The following SDK1 variants were observed in gnomAD, a reference collection of about 807,000 sequenced individuals.
SDK1 encodes the protein protein sidekick-1.
In SDK1, 157 loss-of-function variants were observed where a neutral mutation model predicts 245.5. The ratio of observed to expected loss-of-function variants is 0.64; its 90% confidence interval spans 0.56 to 0.73. The LOEUF is 0.73. SDK1 is among the 30% of genes least tolerant of loss of function. The pLI, the probability that SDK1 is intolerant of heterozygous loss-of-function variation, is 0.00. For synonymous variants in SDK1, 1,647 were observed against 1,278.5 expected (o/e 1.29, Z -6.15); for missense variants, 3,583 against 3,002.3 (o/e 1.19, Z -4.52).
chr7:3,481,892 C>G (rs1386625739), intron 1 of SDK1, among the ~76,000 whole-genome samples: 2 of 152,162 alleles, frequency 1.3e-5, no homozygotes, highest in Non-Finnish European at 2.9e-5. Flanking sequence ...TGCCAGGACT[C>G]TGACTGATAC....
At chr7:3,505,013 A>G (rs1583966134) in intron 1 of SDK1, among the ~76,000 whole-genome samples, 1 of 152,346 alleles carries the variant, frequency 6.6e-6, no homozygotes, top group East Asian at 1.9e-4. Flanking sequence ...CCCAGTGGTG[A>G]TACAACTCCT....
At chr7:3,395,163 G>A (rs899314716) in intron 1 of SDK1, among the ~76,000 whole-genome samples, 1 of 151,832 alleles carries the variant, frequency 6.6e-6, no homozygotes, top group African/African-American at 2.4e-5. Context: ...CTATTCTAAG[G>A]TTGCTGAGAC....
chr7:3,478,388 G>C (rs1051435787), intron 1 of SDK1, among the ~76,000 whole-genome samples: 8 of 151,958 alleles, frequency 5.3e-5, no homozygotes, highest in South Asian at 2.1e-4. Flanking sequence ...TTATAAATGA[G>C]AGCTTCATTT....
chr7:4,137,288 C>T (rs1562867175), intron 28 of SDK1, among the ~76,000 whole-genome samples: 1 of 152,216 alleles, frequency 6.6e-6, no homozygotes, highest in East Asian at 1.9e-4. Flanking sequence ...GAGCGAGACT[C>T]TATCTCAAAG....
intron 1 of SDK1, among the ~76,000 whole-genome samples, chr7:3,376,742 A>G (rs1031809983): frequency 2.0e-5 from 3 of 152,172 alleles, no homozygotes; most frequent in African/African-American, 4.8e-5. Flanking sequence ...TGATTCAGCT[A>G]TTGTGTAAAT....
At chr7:3,989,825 T>C (rs1223531424) in intron 14 of SDK1, among the ~76,000 whole-genome samples, 2 of 152,240 alleles carry the variant, frequency 1.3e-5, no homozygotes, top group East Asian at 1.9e-4. Flanking sequence ...GGTTCCCTTC[T>C]GATAATACTG....
chr7:3,478,334 C>T (rs1199512460), intron 1 of SDK1, among the ~76,000 whole-genome samples: 1 of 151,824 alleles, frequency 6.6e-6, no homozygotes, highest in African/African-American at 2.4e-5. Flanking sequence ...AGATTCACTC[C>T]ATCCCTTTTA....
At chr7:4,150,593 C>T (rs1156829239) in intron 30 of SDK1, among the ~76,000 whole-genome samples, 2 of 152,210 alleles carry the variant, frequency 1.3e-5, no homozygotes, top group African/African-American at 4.8e-5. Flanking sequence ...GCCCAGCCAT[C>T]CTCGTCTTCG....
At position 4,055,920 on chromosome 7, in the gene SDK1, C is replaced by T. The variant is rs548758534; in HGVS notation, c.2911+4090C>T. Among the ~76,000 whole-genome samples the T allele has an allele frequency of 9.1e-4, 138 of 152,164 alleles. 2 individuals carry two copies. Among genetic ancestry groups the T allele is most frequent in the South Asian group, 1.0e-3 (5 of 4,820 alleles). On this transcript the variant is annotated intron_variant, in intron 19 of 44. Transcript: ENST00000404826. ...AATTGGAAGTGTGCTGTTCATTTTCCATGTGTTTGGAGATTCTATTGTCTT... is the reference window on the plus strand; with the variant it reads ...AATTGGAAGTGTGCTGTTCATTTTCTATGTGTTTGGAGATTCTATTGTCTT...
chr7:3,587,351 G>A (rs1780724133), intron 1 of SDK1, among the ~76,000 whole-genome samples: 1 of 152,064 alleles, frequency 6.6e-6, no homozygotes, highest in South Asian at 2.1e-4. Flanking sequence ...ATTAGAAGGT[G>A]TTGGCTTACG....
chr7:3,898,043 A>G (rs1415179082), intron 5 of SDK1, among the ~76,000 whole-genome samples: 2 of 152,172 alleles, frequency 1.3e-5, no homozygotes, highest in African/African-American at 4.8e-5. Context: ...CACCCCAATC[A>G]ACATGACTGA....
At chr7:3,667,927 A>G (rs1562643313) in intron 4 of SDK1, among the ~76,000 whole-genome samples, 1 of 152,238 alleles carries the variant, frequency 6.6e-6, no homozygotes, top group African/African-American at 2.4e-5. Flanking sequence ...ATGTTTGCAC[A>G]TGAACATAAG....
chr7:3,488,144 G>T lies in SDK1; in HGVS notation c.299-130936G>T, dbSNP rs189331205. Among the ~76,000 whole-genome samples the T allele has an allele frequency of 1.6e-3, 236 of 152,238 alleles. 2 individuals are homozygous for T. Among genetic ancestry groups the T allele is most frequent in the Non-Finnish European group, 2.6e-4 (18 of 68,014 alleles). ...CTTTTATCTTTACTTTGCCATTGCTGTGTGTTTTCCGATGCCTTTAATTGA... is the reference window on the plus strand; with the variant it reads ...CTTTTATCTTTACTTTGCCATTGCTTTGTGTTTTCCGATGCCTTTAATTGA... On this transcript the variant is annotated intron_variant, in intron 1 of 44. Transcript: ENST00000404826.
Position 3,911,830 on chromosome 7 carries a change from T to A in SDK1, c.848-39093T>A, listed in dbSNP as rs147661145. Reference sequence around the variant, plus strand: ...AGGAGCTTAAGGGGAAATTATAAATTTCCCTCAGTAGTGAATCATGCTATA... The same window carrying A: ...AGGAGCTTAAGGGGAAATTATAAATATCCCTCAGTAGTGAATCATGCTATA... On this transcript the variant is annotated intron_variant, in intron 5 of 44. Coordinates refer to ENST00000404826, the MANE Select transcript of SDK1 (RefSeq NM_152744.4). Among the ~76,000 whole-genome samples the A allele has an allele frequency of 5.1e-3, 780 of 152,242 alleles. 10 individuals carry two copies. Among genetic ancestry groups the A allele is most frequent in the African/African-American group, 0.018 (756 of 41,526 alleles).
intron 1 of SDK1, among the ~76,000 whole-genome samples, chr7:3,401,284 A>G (rs144619436): frequency 2.6e-4 from 40 of 152,290 alleles, no homozygotes; most frequent in African/African-American, 9.6e-4. Flanking sequence ...GTTGAGCATA[A>G]TATCATGGAG....
At chr7:3,798,455 G>A (rs948010679) in intron 4 of SDK1, among the ~76,000 whole-genome samples, 2 of 152,064 alleles carry the variant, frequency 1.3e-5, no homozygotes, top group Non-Finnish European at 2.9e-5. Flanking sequence ...CTGACCTTGT[G>A]ATCCACCCAC....
chr7:3,338,257 A>G, intron 1 of SDK1: 1 of 395,872 alleles, frequency 2.5e-6, no homozygotes, highest in Admixed American at 3.0e-5. Flanking sequence ...CATCAAGGGA[A>G]TGGGTACTGT....
intron 1 of SDK1, among the ~76,000 whole-genome samples, chr7:3,550,581 C>T (rs918877073): frequency 6.6e-6 from 1 of 152,170 alleles, no homozygotes; most frequent in South Asian, 2.1e-4. Flanking sequence ...ATCTTTGGTT[C>T]CTCTCCATCC....
At chr7:3,574,722 A>C (rs1780230639) in intron 1 of SDK1, among the ~76,000 whole-genome samples, 1 of 152,052 alleles carries the variant, frequency 6.6e-6, no homozygotes, top group Non-Finnish European at 1.5e-5. Flanking sequence ...TGGCTTCTTG[A>C]AATTTAGAAG....
Sources: gnomAD v4.1 joint callset for allele counts (sites outside exome capture counted in the v4.1 genomes callset) on GRCh38, gnomAD v4.1.1 for gene constraint, MANE v1.5 for transcripts, NCBI Gene and HGNC (gene_info 2026-07-23, HGNC 2026-07-21) for gene names.